WWOX: variants seen among roughly 807,000 people sequenced by gnomAD.
WWOX encodes the protein WW domain-containing oxidoreductase.
In WWOX, 69 loss-of-function variants were observed where a neutral mutation model predicts 46.2. The observed-to-expected ratio is 1.49, with a 90% CI of 1.23 to 1.82. The LOEUF (loss-of-function observed/expected upper bound fraction) is 1.82, where lower values mean the gene tolerates loss of function less well. Ranked by LOEUF, WWOX falls within the 40% of genes most tolerant of loss-of-function variation. The probability of loss-of-function intolerance (pLI) is 0.00; values close to 1 mark genes in which losing one functional copy is unlikely to be tolerated. For synonymous variants in WWOX, 359 were observed against 202.6 expected (o/e 1.77, Z -6.56); for missense variants, 919 against 542.6 (o/e 1.69, Z -6.89).
At position 78,437,105 on chromosome 16, in the gene WWOX, A is replaced by G. The variant is rs1052116819; in HGVS notation, c.1056+4353A>G. Among the ~76,000 whole-genome samples, 8 of 152,196 alleles carry G rather than the reference A, an allele frequency of 5.3e-5. 1 individual carries two copies. The highest frequency in any genetic ancestry group is 4.6e-4 in the Admixed American group (7 of 15,282). On this transcript the variant is annotated intron_variant, in intron 8 of 8. Transcript: ENST00000566780. ...ATTGCTGGAGTACACATTCTGTTGC[A>G]TGAGGTCAGGGGAGCAAGAAATACA... is the stretch of plus-strand genomic sequence containing the variant.
chr16:78,212,874 G>A (rs72806827), intron 5 of WWOX, among the ~76,000 whole-genome samples: 16,317 of 152,104 alleles, frequency 0.11, 1,109 homozygotes, highest in Middle Eastern at 0.16. Context: ...TAACAAACAC[G>A]CCCGGATCTC....
At chr16:78,997,590 C>T (rs16949185) in intron 8 of WWOX, among the ~76,000 whole-genome samples, 4,645 of 152,202 alleles carry the variant, frequency 0.031, 233 homozygotes, top group African/African-American at 0.11. Flanking sequence ...AATTGACGCT[C>T]GTGTCACTGA....
intron 8 of WWOX, among the ~76,000 whole-genome samples, chr16:79,036,558 G>A (rs1431333965): frequency 6.6e-6 from 1 of 152,178 alleles, no homozygotes; most frequent in Non-Finnish European, 1.5e-5. Context: ...TGAATTATCG[G>A]AGCTCTTGGC....
At chr16:78,678,233 G>A (rs988770170) in intron 8 of WWOX, among the ~76,000 whole-genome samples, 6 of 152,170 alleles carry the variant, frequency 3.9e-5, no homozygotes, top group African/African-American at 1.4e-4. Flanking sequence ...TGAATGGGCT[G>A]GGTGTGGTGG....
chr16:78,918,356 C>G (rs556891475), intron 8 of WWOX, among the ~76,000 whole-genome samples: 130 of 151,996 alleles, frequency 8.6e-4, no homozygotes, highest in Non-Finnish European at 1.6e-3. Flanking sequence ...CTAAGGAGTC[C>G]TTGTTGATTT....
intron 8 of WWOX, among the ~76,000 whole-genome samples, chr16:78,629,011 C>G (rs1017337842): frequency 6.6e-6 from 1 of 152,174 alleles, no homozygotes; most frequent in Admixed American, 6.5e-5. Flanking sequence ...TTCCCTTGAA[C>G]CCGTTCCAAA....
intron 8 of WWOX, among the ~76,000 whole-genome samples, chr16:78,542,823 G>A (rs1407114964): frequency 6.6e-6 from 1 of 152,220 alleles, no homozygotes; most frequent in East Asian, 1.9e-4. Context: ...TCTTAATGCA[G>A]GGAAAATTGA....
At chr16:78,971,552 A>G (rs1164835184) in intron 8 of WWOX, among the ~76,000 whole-genome samples, 1 of 151,924 alleles carries the variant, frequency 6.6e-6, no homozygotes, top group East Asian at 1.9e-4. Flanking sequence ...ACTCTAATGG[A>G]TCCCTGACGG....
intron 5 of WWOX, among the ~76,000 whole-genome samples, chr16:78,385,950 G>T (rs1046395201): frequency 6.6e-6 from 1 of 152,208 alleles, no homozygotes; most frequent in Admixed American, 6.5e-5. Context: ...CAGAAGGCTA[G>T]TGGGAGGGGC....
chr16:78,616,062 A>G (rs924138234), intron 8 of WWOX, among the ~76,000 whole-genome samples: 4 of 150,656 alleles, frequency 2.7e-5, no homozygotes, highest in Non-Finnish European at 5.9e-5. Flanking sequence ...GATAATCTTT[A>G]AGAAGAAGAT....
At chr16:78,849,381 C>G (rs1046241756) in intron 8 of WWOX, among the ~76,000 whole-genome samples, 12 of 151,402 alleles carry the variant, frequency 7.9e-5, no homozygotes, top group African/African-American at 2.4e-4. Context: ...ACTATCCTGG[C>G]TAACACGGTG....
rs139025192 is a variant in WWOX, at chr16:78,733,723, C to G, written c.1056+300971C>G. 9.6e-3 allele frequency among the ~76,000 whole-genome samples: 1,437 copies of G among 150,166 alleles called. 25 individuals are homozygous for G. Among genetic ancestry groups the G allele is most frequent in the African/African-American group, 0.034 (1,379 of 40,882 alleles). ...TGAGCCGAGATCATGCCACTGCACT[C>G]CAGCCTGGGCGACAGAGTGAGAATC... On this transcript the variant is annotated intron_variant, in intron 8 of 8. Transcript: ENST00000566780.
chr16:78,434,440 C>G (rs956167542), intron 8 of WWOX, among the ~76,000 whole-genome samples: 1 of 152,146 alleles, frequency 6.6e-6, no homozygotes, highest in Non-Finnish European at 1.5e-5. Context: ...TTGTTGTGTC[C>G]TTCAGTTTAC....
chr16:78,675,943 T>C (rs2047587653), intron 8 of WWOX, among the ~76,000 whole-genome samples: 1 of 152,170 alleles, frequency 6.6e-6, no homozygotes. Context: ...ATTTAAATCC[T>C]TCTCTGTCCC....
intron 8 of WWOX, among the ~76,000 whole-genome samples, chr16:79,074,984 C>T (rs75052689): frequency 6.6e-6 from 1 of 152,164 alleles, no homozygotes; most frequent in Non-Finnish European, 1.5e-5. Context: ...CTCTCAACTT[C>T]TACACATTCG....
chr16:79,135,632 T>C (rs1351858567), intron 8 of WWOX, among the ~76,000 whole-genome samples: 1 of 152,198 alleles, frequency 6.6e-6, no homozygotes, highest in Admixed American at 6.5e-5. Context: ...ACTTCAAATT[T>C]TTAACAGATA....
intron 8 of WWOX, among the ~76,000 whole-genome samples, chr16:79,079,348 G>A (rs8055998): frequency 7.9e-5 from 12 of 151,268 alleles, no homozygotes; most frequent in Admixed American, 3.3e-4. Context: ...GGTTCCCCCC[G>A]ACAAAAAAAA....
chr16:79,047,218 C>T (rs987860216), intron 8 of WWOX, among the ~76,000 whole-genome samples: 10 of 152,082 alleles, frequency 6.6e-5, no homozygotes, highest in African/African-American at 2.4e-4. Flanking sequence ...GGGAAAGAGA[C>T]ACAAATTGTC....
At chr16:78,766,821 A>T (rs1424125126) in intron 8 of WWOX, among the ~76,000 whole-genome samples, 4 of 152,206 alleles carry the variant, frequency 2.6e-5, no homozygotes, top group Admixed American at 6.5e-5. Context: ...TTATCATTTT[A>T]ATTTATAAGT....
Sources: allele counts gnomAD v4.1 joint callset (sites outside exome capture counted in the v4.1 genomes callset), GRCh38; gene constraint gnomAD v4.1.1; transcripts MANE v1.5; gene names NCBI Gene and HGNC (gene_info 2026-07-23, HGNC 2026-07-21).